The following CIRSR variants were observed in gnomAD, a reference collection of about 807,000 sequenced individuals.
The protein encoded by CIRSR is CBF1 (RBPJ) interacting corepressor 1.
chr2:174,383,820 C>A, the CIRSR span, among the ~76,000 whole-genome samples: 2 of 144,008 alleles, frequency 1.4e-5, no homozygotes, highest in Non-Finnish European at 1.5e-5. Context: ...AATGAGATAT[C>A]ACCTTGCACC....
chr2:174,392,308 T>C, the CIRSR span, among the ~76,000 whole-genome samples: 1 of 152,160 alleles, frequency 6.6e-6, no homozygotes, highest in African/African-American at 2.4e-5. Flanking sequence ...GGGTTTCTTT[T>C]TGGGGTGATG....
At chr2:174,351,326 CA>C in the CIRSR span, among the ~76,000 whole-genome samples, 1 of 152,024 alleles carries the variant, frequency 6.6e-6, no homozygotes, top group African/African-American at 2.4e-5. Context: ...AATGTCATAT[CA>C]GGGGTAAGTT....
the CIRSR span, among the ~76,000 whole-genome samples, chr2:174,368,212 C>T: frequency 1.3e-5 from 2 of 150,200 alleles, no homozygotes; most frequent in Admixed American, 6.7e-5. Context: ...ATAGTACCAT[C>T]CATCAACTGG....
the CIRSR span, among the ~76,000 whole-genome samples, chr2:174,391,622 G>A: frequency 6.6e-6 from 1 of 152,064 alleles, no homozygotes; most frequent in African/African-American, 2.4e-5. Flanking sequence ...TCTGAGGTGG[G>A]AGAATAGTAG....
At chr2:174,361,295 T>C in the CIRSR span, among the ~76,000 whole-genome samples, 123 of 152,316 alleles carry the variant, frequency 8.1e-4, no homozygotes, top group African/African-American at 2.7e-3. Flanking sequence ...GGGCTATGAG[T>C]AGCTATCCTG....
At chr2:174,362,213 G>A in the CIRSR span, among the ~76,000 whole-genome samples, 1 of 152,124 alleles carries the variant, frequency 6.6e-6, no homozygotes, top group Non-Finnish European at 1.5e-5. Context: ...GGCTGAGGTG[G>A]GAGGATTGCT....
chr2:174,354,483 T>C, the CIRSR span, among the ~76,000 whole-genome samples: 1 of 80,674 alleles, frequency 1.2e-5, no homozygotes, highest in Non-Finnish European at 2.2e-5. Flanking sequence ...ATAATATATA[T>C]TATATTATAT....
the CIRSR span, among the ~76,000 whole-genome samples, chr2:174,376,571 G>A: frequency 6.6e-6 from 1 of 151,200 alleles, no homozygotes; most frequent in African/African-American, 2.4e-5. Flanking sequence ...GCCGAGGCGA[G>A]TGGATCATGA....
At chr2:174,382,009 C>A in the CIRSR span, among the ~76,000 whole-genome samples, 1 of 152,086 alleles carries the variant, frequency 6.6e-6, no homozygotes, top group Admixed American at 6.5e-5. Context: ...CCTGAGAGAT[C>A]CTACCCATCC....
At chr2:174,386,076 T>C in the CIRSR span, among the ~76,000 whole-genome samples, 1 of 152,234 alleles carries the variant, frequency 6.6e-6, no homozygotes, top group Non-Finnish European at 1.5e-5. Context: ...ACCTAGTTTT[T>C]CACCTCCACT....
chr2:174,360,713 G>A, the CIRSR span, among the ~76,000 whole-genome samples: 1 of 152,080 alleles, frequency 6.6e-6, no homozygotes, highest in African/African-American at 2.4e-5. Context: ...ATCAAGCAGG[G>A]TCATTTACTG....
chr2:174,387,315 CAAAT>C, the CIRSR span: 2 of 167,250 alleles, frequency 1.2e-5, no homozygotes, highest in African/African-American at 4.8e-5. Context: ...ACATGCGTGT[CAAAT>C]AAAGTCACTT....
the CIRSR span, among the ~76,000 whole-genome samples, chr2:174,376,193 G>A: frequency 7.9e-5 from 12 of 152,054 alleles, no homozygotes; most frequent in East Asian, 1.7e-3. Context: ...AGGGGTATCC[G>A]CCTCATGCAG....
the CIRSR span, among the ~76,000 whole-genome samples, chr2:174,353,683 G>A: frequency 2.0e-5 from 3 of 152,138 alleles, no homozygotes; most frequent in South Asian, 2.1e-4. Flanking sequence ...GGTCAGGCTG[G>A]TCTCAAACTC....
At chr2:174,394,251 T>G in the CIRSR span, among the ~76,000 whole-genome samples, 1 of 152,196 alleles carries the variant, frequency 6.6e-6, no homozygotes, top group Admixed American at 6.5e-5. Context: ...TCTCTAAATA[T>G]AAACAGCAAA....
At chr2:174,382,778 T>C in the CIRSR span, among the ~76,000 whole-genome samples, 1 of 151,836 alleles carries the variant, frequency 6.6e-6, no homozygotes, top group Admixed American at 6.6e-5. Context: ...TAAAAAAAGA[T>C]ACACTAGGCT....
At chr2:174,357,056 G>C in the CIRSR span, among the ~76,000 whole-genome samples, 1 of 152,120 alleles carries the variant, frequency 6.6e-6, no homozygotes. Flanking sequence ...TCTTTTTACA[G>C]TTGGTTTGCT....
the CIRSR span, chr2:174,350,893 A>G: frequency 4.9e-6 from 3 of 610,000 alleles, no homozygotes; most frequent in Non-Finnish European, 8.1e-6. Context: ...GAGAGAATTA[A>G]AAAATTTTTT....
the CIRSR span, among the ~76,000 whole-genome samples, chr2:174,388,621 C>T: frequency 2.0e-5 from 3 of 152,058 alleles, no homozygotes; most frequent in East Asian, 5.8e-4. Context: ...CCAAGATGTT[C>T]TAATATATAT....
Sources: gnomAD v4.1 joint callset for allele counts (sites outside exome capture counted in the v4.1 genomes callset) on GRCh38, gnomAD v4.1.1 for gene constraint, MANE v1.5 for transcripts, NCBI Gene and HGNC (gene_info 2026-07-23, HGNC 2026-07-21) for gene names.